Variants in VIRMA observed in about 807,000 individuals in gnomAD.
VIRMA encodes the protein protein virilizer homolog.
In VIRMA, 65 loss-of-function variants were observed where a neutral mutation model predicts 182.4. The ratio of observed to expected loss-of-function variants is 0.36; its 90% CI spans 0.29 to 0.44. The LOEUF (loss-of-function observed/expected upper bound fraction) is 0.44, where lower values mean the gene tolerates loss of function less well. VIRMA is among the 20% of genes least tolerant of loss of function. The probability of loss-of-function intolerance (pLI) is 1.00; values close to 1 mark genes in which losing one functional copy is unlikely to be tolerated. For synonymous variants in VIRMA, 709 were observed against 743.1 expected (o/e 0.95, Z 0.75); for missense variants, 1,752 against 2,158.1 (o/e 0.81, Z 3.73).
chr8:94,518,895 C>T, intron 9 of VIRMA, 90 bp downstream of exon 9: 1 of 1,221,624 alleles, frequency 8.2e-7, no homozygotes, highest in Non-Finnish European at 1.1e-6. Flanking sequence ...TTTTCCCTCT[C>T]AAAATAACAC....
chr8:94,492,570 C>T, intron 21 of VIRMA, 82 bp downstream of exon 21: 2 of 1,281,168 alleles, frequency 1.6e-6, no homozygotes, highest in South Asian at 1.5e-5. Context: ...CCGCGCTCGG[C>T]CGCATGTGTC....
chr8:94,522,223 A>T (rs1180561417), intron 8 of VIRMA, among the ~76,000 whole-genome samples: 2 of 152,212 alleles, frequency 1.3e-5, no homozygotes, highest in African/African-American at 2.4e-5. Context: ...AATAAAAAAT[A>T]AAAAAGCCTG....
At position 94,517,936 on chromosome 8, in the gene VIRMA, G is replaced by T; in HGVS notation, c.2520C>A (p.Ser840=). 6.2e-7 allele frequency: 1 copy of T among 1,606,610 alleles called. No homozygotes were observed. Among genetic ancestry groups the T allele is most frequent in the Non-Finnish European group, 8.5e-7 (1 of 1,177,024 alleles). ...TATAAGCTACTGACTTCTTAGATTT[G>T]GAATCACTGAAACAAAATAAGGTTT... is the stretch of plus-strand genomic sequence containing the variant. The part of the protein sequence containing the change: ...EYYSKEALGD[S]KSKKSVAYNY... Residue 840 remains serine (S), a synonymous_variant, in exon 10 of 24, where the codon TCC becomes TCA. Coordinates refer to ENST00000297591, the MANE Select transcript of VIRMA (RefSeq NM_015496.5).
At chr8:94,534,728 T>A in intron 5 of VIRMA, 111 bp downstream of exon 5, 7 of 1,147,510 alleles carry the variant, frequency 6.1e-6, no homozygotes, top group East Asian at 3.0e-5. Flanking sequence ...CCTCTCTCCC[T>A]CTCAAGAAAT....
At chr8:94,550,096 TA>T (rs79930556) in intron 1 of VIRMA, among the ~76,000 whole-genome samples, 21,268 of 130,352 alleles carry the variant, frequency 0.16, 1,795 homozygotes, top group South Asian at 0.31. Context: ...GACCTAGTCT[TA>T]AAAAAAAAAA....
rs200738356 is a variant in VIRMA at position 94,553,357 on chromosome 8, G to A, written c.63+28C>T. On this transcript the variant is annotated intron_variant, in intron 1 of 23. Coordinates refer to ENST00000297591, the MANE Select transcript of VIRMA (RefSeq NM_015496.5). ...TGTAAAGATCCCAAGTCAAGAAGCA[G>A]CGTCAGAATCAAGTCGCCAAGCCTT... The A allele has an allele frequency of 3.3e-4, 534 of 1,608,370 alleles. 1 individual carries two copies. In the African/African-American group the frequency reaches 6.4e-3, roughly 19 times the overall value.
Position 94,511,201 on chromosome 8 carries a change from G to T in VIRMA, c.3374C>A (p.Pro1125His). 1 of 1,613,924 alleles carries T rather than the reference G, an allele frequency of 6.2e-7. No homozygotes were observed. Among genetic ancestry groups the T allele is most frequent in the Non-Finnish European group, 8.5e-7 (1 of 1,179,976 alleles). ...AAGTGATACCTGAGTTGTTTGCATG[G>T]GCAATGGAAGAGGCAGCAGCTCTGA... ...LLSELLPLPL[P>H]MQTTQVIEPH... Residue 1125 changes from proline (P) to histidine (H), a missense_variant, in exon 13 of 24, where the codon CCC (proline) becomes CAC (histidine). Pro to His is a moderately conservative substitution (Grantham distance 77). Transcript: ENST00000297591.
At chr8:94,528,636 T>A (rs1038823208) in intron 7 of VIRMA, among the ~76,000 whole-genome samples, 1 of 152,224 alleles carries the variant, frequency 6.6e-6, no homozygotes, top group East Asian at 1.9e-4. Flanking sequence ...CTTGAATTTT[T>A]AAAAATAATG....
In VIRMA at chr8:94,510,510, C is replaced by T. The variant is rs749189927; in HGVS notation, c.3533G>A (p.Arg1178Gln). ...TTCQPIQHML[R>Q]RICVQLCDLA... ...GTCACACAATTGAACACAAATACGC[C>T]GTAACATATGTTGAATGGGCTGGCA... The change falls in exon 14 of 24, where the codon CGG becomes CAG. Residue 1178 changes from arginine to glutamine, a missense_variant. This residue lies in a region of VIRMA where 777 missense variants were observed against 920.6 expected (regional missense o/e 0.84). Coordinates refer to ENST00000297591, the MANE Select transcript of VIRMA (RefSeq NM_015496.5). 2 of 1,614,056 alleles carry T rather than the reference C, an allele frequency of 1.2e-6. No individual in the cohort carries two copies. Among genetic ancestry groups the T allele is most frequent in the Non-Finnish European group, 1.7e-6 (2 of 1,180,004 alleles).
chr8:94,511,038 T>C, intron 13 of VIRMA, 147 bp downstream of exon 13: 1 of 1,424,966 alleles, frequency 7.0e-7, no homozygotes, highest in South Asian at 1.6e-5. Context: ...ACCAACTTGT[T>C]TCAGTTTTAT....
rs142882002 is a variant in VIRMA, at chr8:94,537,423, G to A, written c.267-272C>T. Among the ~76,000 whole-genome samples, 29 of 152,210 alleles carry A rather than the reference G, an allele frequency of 1.9e-4. No homozygotes were observed. In the East Asian group the frequency reaches 4.6e-3, roughly 24 times the overall value. ...GTAATTCTAATGTACAGCCAGAGTA[G>A]AGAACCACTGCATTACAGTCATACA... On this transcript the variant is annotated intron_variant, in intron 3 of 23. Coordinates refer to ENST00000297591, the MANE Select transcript of VIRMA (RefSeq NM_015496.5).
At chr8:94,517,492 C>T (rs778363932) in intron 10 of VIRMA, among the ~76,000 whole-genome samples, 7 of 152,194 alleles carry the variant, frequency 4.6e-5, no homozygotes, top group Non-Finnish European at 2.9e-5. Flanking sequence ...CATGAGCCAC[C>T]GCACCCGGCC....
intron 5 of VIRMA, chr8:94,533,874 A>G (rs535137232): frequency 6.6e-6 from 1 of 152,200 alleles, no homozygotes; most frequent in South Asian, 2.1e-4. Context: ...GCAGCTGGCT[A>G]TGAATCTCAT....
chr8:94,511,767 C>A (rs779033870), intron 12 of VIRMA, 38 bp from the exon 13 acceptor site: 1 of 1,401,532 alleles, frequency 7.1e-7, no homozygotes, highest in Non-Finnish European at 9.8e-7. Flanking sequence ...AAACTAATTA[C>A]TTATATGTTA....
At chr8:94,489,797 G>T (rs1813553561) in intron 23 of VIRMA, 142 bp downstream of exon 23, 1 of 878,812 alleles carries the variant, frequency 1.1e-6, no homozygotes, top group Non-Finnish European at 1.7e-6. Context: ...GGAAGTCAAA[G>T]TTATACTTAG....
chr8:94,527,327 T>A lies in VIRMA; in HGVS notation c.917A>T (p.Asp306Val). Residue 306 changes from aspartate (D) to valine (V), a missense_variant, in exon 8 of 24, where the codon GAT becomes GTT. This residue lies in a region of VIRMA where 31 missense variants were observed against 68.4 expected (regional missense o/e 0.45). Transcript: ENST00000297591. ...DGYEQISSDEDGIADLERETF... is the reference protein window; with the variant it reads ...DGYEQISSDEVGIADLERETF... ...TTCACGTTCCAAGTCAGCAATTCCA[T>A]CTTCATCACTGGAAATTTGTTCATA... 2 of 1,586,626 alleles carry A rather than the reference T, an allele frequency of 1.3e-6. No individual in the cohort carries two copies. The highest frequency in any genetic ancestry group is 2.3e-5 in the South Asian group (2 of 87,046).
chr8:94,506,782 G>T, intron 15 of VIRMA, 65 bp from the exon 16 acceptor site: 2 of 951,594 alleles, frequency 2.1e-6, no homozygotes, highest in Non-Finnish European at 3.3e-6. Context: ...TAGCACTTTT[G>T]AGAAATACAT....
At chr8:94,498,104 T>C (rs564571741) in intron 17 of VIRMA, 3 of 152,106 alleles carry the variant, frequency 2.0e-5, no homozygotes, top group Non-Finnish European at 4.4e-5. Context: ...CTTGAACTCA[T>C]AGGTTCAAGT....
At chr8:94,489,898 C>T in intron 23 of VIRMA, 41 bp downstream of exon 23, 5 of 1,596,694 alleles carry the variant, frequency 3.1e-6, no homozygotes, top group Non-Finnish European at 4.3e-6. Context: ...GAGGAATTTA[C>T]TTCCCTTCTC....
Sources: allele counts gnomAD v4.1 joint callset (sites outside exome capture counted in the v4.1 genomes callset), GRCh38; gene constraint gnomAD v4.1.1; regional missense constraint gnomAD v4.1.1; transcripts MANE v1.5; gene names NCBI Gene and HGNC (gene_info 2026-07-23, HGNC 2026-07-21).